The following ELOVL7 variants were observed in gnomAD, a reference collection of about 807,000 sequenced individuals.
ELOVL7 encodes the protein ELOVL fatty acid elongase 7.
In ELOVL7, 27 loss-of-function variants were observed where a neutral mutation model predicts 35.7. That is an observed-to-expected ratio of 0.76 (90% CI 0.56 to 1.04). ELOVL7 has a LOEUF of 1.04. Ranked by LOEUF, ELOVL7 falls within the 50% of genes least tolerant of loss-of-function variation. The pLI is 0.00. For missense variants in ELOVL7, 327 were observed against 340.8 expected (o/e 0.96, Z 0.32); for synonymous variants, 113 against 114.6 (o/e 0.99, Z 0.09).
In ELOVL7 at chr5:60,757,665, T is replaced by C; in HGVS notation, c.500-20A>G. On this transcript the variant is annotated intron_variant, in intron 7 of 8. Coordinates refer to ENST00000508821, the MANE Select transcript of ELOVL7 (RefSeq NM_024930.3). ...AACCACCTGGAAAATAAAATTATTG[T>C]AACATGGGGCCATTGTTCCTTAAAA... is the stretch of plus-strand genomic sequence containing the variant. 6.5e-7 allele frequency: 1 copy of C among 1,537,024 alleles called. No individual in the cohort carries two copies. The highest frequency in any genetic ancestry group is 1.4e-5 in the African/African-American group (1 of 73,982).
In ELOVL7 at chr5:60,812,460, G is replaced by A. The variant is rs192135585; in HGVS notation, c.-85-13230C>T. Reference sequence around the variant, plus strand: ...TAACAATAGTGACAAGCCCTCTCTAGGCTGGAGAGGACAAGCTGCAAAATT... The same window carrying A: ...TAACAATAGTGACAAGCCCTCTCTAAGCTGGAGAGGACAAGCTGCAAAATT... On this transcript the variant is annotated intron_variant, in intron 1 of 8. Coordinates refer to ENST00000508821, the MANE Select transcript of ELOVL7 (RefSeq NM_024930.3). Among the ~76,000 whole-genome samples the A allele has an allele frequency of 4.6e-5, 7 of 152,142 alleles. No homozygotes were observed. In the South Asian group the frequency reaches 1.2e-3, roughly 27 times the overall value.
intron 2 of ELOVL7, among the ~76,000 whole-genome samples, chr5:60,791,737 A>C (rs1743950426): frequency 6.6e-6 from 1 of 152,084 alleles, no homozygotes; most frequent in Non-Finnish European, 1.5e-5. Flanking sequence ...AAAAAGCTAC[A>C]TTTCCCCCTC....
In ELOVL7 at chr5:60,754,693, A is replaced by T. The variant is rs759103858; in HGVS notation, c.777T>A (p.Arg259=). The T allele has an allele frequency of 4.3e-6, 7 of 1,614,196 alleles. No individual in the cohort carries two copies. In the Admixed American group the frequency reaches 1.2e-4, roughly 27 times the overall value. ...GCAACCTCTGACCTTTGGTGTAAGCACGGTACCAAAAATGGAGAAAGAGCA... is the reference window on the plus strand; with the variant it reads ...GCAACCTCTGACCTTTGGTGTAAGCTCGGTACCAAAAATGGAGAAAGAGCA... ...FLLLFLHFWY[R]AYTKGQRLPK... is the part of the protein sequence containing the mutation. Residue 259 remains arginine (R), a synonymous_variant, in exon 9 of 9, where the codon CGT becomes CGA. Transcript: ENST00000508821.
intron 1 of ELOVL7, among the ~76,000 whole-genome samples, chr5:60,820,701 G>C (rs1351105905): frequency 6.6e-6 from 1 of 152,062 alleles, no homozygotes; most frequent in African/African-American, 2.4e-5. Flanking sequence ...CAATGAGTTG[G>C]ACCACGAACC....
intron 8 of ELOVL7, among the ~76,000 whole-genome samples, chr5:60,756,540 T>C (rs184993599): frequency 2.0e-5 from 3 of 152,310 alleles, no homozygotes; most frequent in Non-Finnish European, 4.4e-5. Flanking sequence ...ACCATATCCT[T>C]ATGATTGGTC....
intron 1 of ELOVL7, among the ~76,000 whole-genome samples, chr5:60,807,862 G>A (rs1377627878): frequency 6.6e-6 from 1 of 151,698 alleles, no homozygotes; most frequent in East Asian, 1.9e-4. Context: ...AGCCGGGCAT[G>A]GTGGTGGGCA....
chr5:60,842,358 C>A (rs1747223684), intron 1 of ELOVL7, among the ~76,000 whole-genome samples: 1 of 151,912 alleles, frequency 6.6e-6, no homozygotes, highest in Non-Finnish European at 1.5e-5. Flanking sequence ...AAAAGCCGGG[C>A]AAGTCCAAGC....
chr5:60,827,884 C>T (rs1746262811), intron 1 of ELOVL7, among the ~76,000 whole-genome samples: 1 of 152,128 alleles, frequency 6.6e-6, no homozygotes, highest in African/African-American at 2.4e-5. Flanking sequence ...ATCCTTCCTG[C>T]ACACCCAGAA....
intron 2 of ELOVL7, among the ~76,000 whole-genome samples, chr5:60,791,207 G>C (rs1006061493): frequency 6.6e-6 from 1 of 152,078 alleles, no homozygotes; most frequent in Non-Finnish European, 1.5e-5. Flanking sequence ...AACTCCTTGG[G>C]CTCAAGCAGT....
intron 3 of ELOVL7, among the ~76,000 whole-genome samples, chr5:60,773,429 T>C (rs560950992): frequency 6.6e-6 from 1 of 152,322 alleles, no homozygotes; most frequent in Admixed American, 6.5e-5. Flanking sequence ...AGTAGGACTC[T>C]ATGACTGATA....
chr5:60,842,665 T>C (rs981238610), intron 1 of ELOVL7, among the ~76,000 whole-genome samples: 17 of 152,110 alleles, frequency 1.1e-4, no homozygotes, highest in African/African-American at 4.1e-4. Context: ...GGTGAGGCAG[T>C]GTAGGACAGT....
At chr5:60,829,890 A>G (rs780508289) in intron 1 of ELOVL7, among the ~76,000 whole-genome samples, 3 of 152,108 alleles carry the variant, frequency 2.0e-5, no homozygotes, top group Non-Finnish European at 4.4e-5. Flanking sequence ...TCTTGTTTTT[A>G]TTTTAGATGG....
chr5:60,839,255 G>A (rs1242027420), intron 1 of ELOVL7, among the ~76,000 whole-genome samples: 1 of 152,018 alleles, frequency 6.6e-6, no homozygotes, highest in Non-Finnish European at 1.5e-5. Flanking sequence ...AGCTGAGGCA[G>A]GAGAATCACC....
chr5:60,804,865 A>G (rs1744837623), intron 1 of ELOVL7, among the ~76,000 whole-genome samples: 1 of 152,238 alleles, frequency 6.6e-6, no homozygotes. Context: ...TTAGGCATCT[A>G]TTATTGTGCA....
intron 3 of ELOVL7, 30 bp from the exon 4 acceptor site, chr5:60,772,123 C>A (rs140169574): frequency 6.7e-7 from 1 of 1,489,980 alleles, no homozygotes; most frequent in Non-Finnish European, 9.1e-7. Flanking sequence ...TGAGTACACA[C>A]CTGCTTAGCC....
chr5:60,780,887 T>C (rs1450207876), intron 3 of ELOVL7, among the ~76,000 whole-genome samples: 2 of 152,144 alleles, frequency 1.3e-5, no homozygotes, highest in Admixed American at 1.3e-4. Flanking sequence ...CTATGTCTAG[T>C]TGTTATTGCT....
chr5:60,836,952 CAG>C (rs1376766264), intron 1 of ELOVL7, among the ~76,000 whole-genome samples: 2 of 151,834 alleles, frequency 1.3e-5, no homozygotes, highest in African/African-American at 4.9e-5. Flanking sequence ...AATATCAACC[CAG>C]AGAGTTAGTA....
At chr5:60,785,602 G>A (rs1225558123) in intron 3 of ELOVL7, among the ~76,000 whole-genome samples, 1 of 152,036 alleles carries the variant, frequency 6.6e-6, no homozygotes, top group African/African-American at 2.4e-5. Context: ...CATGTAGCAA[G>A]GCACACCTCT....
At chr5:60,834,903 C>T (rs905270090) in intron 1 of ELOVL7, among the ~76,000 whole-genome samples, 1 of 151,696 alleles carries the variant, frequency 6.6e-6, no homozygotes, top group Admixed American at 6.6e-5. Context: ...CCAAAGTAGT[C>T]CCAAGGGCTG....
Sources: allele counts gnomAD v4.1 joint callset (sites outside exome capture counted in the v4.1 genomes callset), GRCh38; gene constraint gnomAD v4.1.1; transcripts MANE v1.5; gene names NCBI Gene and HGNC (gene_info 2026-07-23, HGNC 2026-07-21).